Variants in DNAH14 observed in about 807,000 individuals in gnomAD.
DNAH14 encodes the protein dynein axonemal heavy chain 14, also known as axonemal beta dynein heavy chain 14.
A neutral mutation model predicts 520.9 loss-of-function variants in DNAH14; 478 were observed. That is an observed-to-expected ratio of 0.92 (90% CI 0.85 to 0.99). The LOEUF (loss-of-function observed/expected upper bound fraction) is 0.99. DNAH14 is among the 50% of genes least tolerant of loss of function. The pLI is 0.00. For missense variants in DNAH14, 4,831 were observed against 5,234.5 expected, an observed-to-expected ratio of 0.92 and a Z score of 2.38; for synonymous variants, 1,581 against 1,757.2, an observed-to-expected ratio of 0.90 and a Z score of 2.51.
At position 225,351,787 on chromosome 1, in the gene DNAH14, A is replaced by G; in HGVS notation, c.11437A>G (p.Thr3813Ala). 1.3e-6 allele frequency: 2 copies of G among 1,551,384 alleles called. No individual in the cohort carries two copies. Among genetic ancestry groups the G allele is most frequent in the Non-Finnish European group, 1.7e-6 (2 of 1,146,772 alleles). ...TTTATCAAACGTATCACAATGGGATACTTTTAAGAACAGTAAAGCAGTTTA... is the reference window on the plus strand; with the variant it reads ...TTTATCAAACGTATCACAATGGGATGCTTTTAAGAACAGTAAAGCAGTTTA... ...SLLSNVSQWD[T>A]FKNSKAVYSL... The change falls in exon 72 of 86, where the codon ACT (threonine) becomes GCT (alanine). Residue 3813 changes from threonine (T) to alanine (A), a missense_variant. Coordinates refer to ENST00000682510, the MANE Select transcript of DNAH14 (RefSeq NM_001367479.1).
intron 1 of DNAH14, among the ~76,000 whole-genome samples, chr1:224,944,030 G>A (rs1418632737): frequency 6.6e-6 from 1 of 152,164 alleles, no homozygotes; most frequent in African/African-American, 2.4e-5. Context: ...GCAGAGCTGA[G>A]TTCAATTCCT....
intron 41 of DNAH14, among the ~76,000 whole-genome samples, chr1:225,225,668 C>G (rs962287541): frequency 6.6e-6 from 1 of 152,116 alleles, no homozygotes; most frequent in African/African-American, 2.4e-5. Flanking sequence ...AAATTTCAAT[C>G]AACCATAAAA....
rs1332152904 is a variant in DNAH14 at position 225,205,987 on chromosome 1, G to C, written c.5994G>C (p.Trp1998Cys). The C allele has an allele frequency of 7.1e-6, 11 of 1,551,046 alleles. No homozygotes were observed. The highest frequency in any genetic ancestry group is 9.6e-6 in the Non-Finnish European group (11 of 1,146,656). Reference sequence around the variant, plus strand: ...TCTCTCCAGATTTTGATTGGCAGTGGATTATCCTAGATGGCCCAGTGGACA... The same window carrying C: ...TCTCTCCAGATTTTGATTGGCAGTGCATTATCCTAGATGGCCCAGTGGACA... ...IPENHNFDWQ[W>C]IILDGPVDTF... The change falls in exon 40 of 86, where the codon TGG (tryptophan) becomes TGC (cysteine). Residue 1998 changes from tryptophan (W) to cysteine (C), a missense_variant. By Grantham distance (215) the Trp-to-Cys change is radical (BLOSUM62 -2). Transcript: ENST00000682510.
intron 8 of DNAH14, among the ~76,000 whole-genome samples, chr1:224,999,341 G>A (rs1206947769): frequency 6.6e-6 from 1 of 151,968 alleles, no homozygotes; most frequent in African/African-American, 2.4e-5. Context: ...CAAGTAGCTG[G>A]GATTACAGGC....
intron 55 of DNAH14, among the ~76,000 whole-genome samples, chr1:225,292,691 A>G (rs578075059): frequency 6.6e-6 from 1 of 152,218 alleles, no homozygotes; most frequent in East Asian, 1.9e-4. Flanking sequence ...TTTAGGTAGT[A>G]TGGTCATCTT....
Position 225,050,332 on chromosome 1 carries a change from G to A in DNAH14, c.2035G>A (p.Asp679Asn). The part of the protein sequence containing the change: ...IHYKEQTRWP[D>N]CHILFETDPA... ...TTATAAAGAGCAGACCAGATGGCCA[G>A]ATTGTCACATCCTTTTTGAAACAGA... Residue 679 changes from aspartate to asparagine, a missense_variant, in exon 16 of 86, where the codon GAT (aspartate) becomes AAT (asparagine). Physicochemically the swap from Asp to Asn is conservative, Grantham distance 23. Transcript: ENST00000682510. The A allele has an allele frequency of 1.3e-6, 2 of 1,547,460 alleles. No homozygotes were observed. The highest frequency in any genetic ancestry group is 1.7e-6 in the Non-Finnish European group (2 of 1,145,672).
chr1:225,380,170 G>A lies in DNAH14; in HGVS notation c.12728G>A (p.Ser4243Asn). The part of the protein sequence containing the change: ...TANLMIRPEQ[S>N]KDELVMEILS... ...GGTTTTTTTTGCAGACCTGAGCAGA[G>A]TAAGGATGAACTGGTGATGGAAATT... The change falls in exon 80 of 86, where the codon AGT (serine) becomes AAT (asparagine). Residue 4243 changes from serine (S) to asparagine (N), a missense_variant. Physicochemically the swap from Ser to Asn is conservative, Grantham distance 46. Coordinates refer to ENST00000682510, the MANE Select transcript of DNAH14 (RefSeq NM_001367479.1). The A allele has an allele frequency of 6.4e-7, 1 of 1,551,424 alleles. No individual in the cohort carries two copies. Among genetic ancestry groups the A allele is most frequent in the Non-Finnish European group, 8.7e-7 (1 of 1,146,872 alleles).
chr1:225,336,519 G>C (rs1300524337), intron 66 of DNAH14, among the ~76,000 whole-genome samples: 1 of 152,070 alleles, frequency 6.6e-6, no homozygotes, highest in Non-Finnish European at 1.5e-5. Context: ...TACAATCATA[G>C]TGAAAGATTT....
chr1:225,317,939 C>A (rs968176627), intron 60 of DNAH14, among the ~76,000 whole-genome samples: 3 of 152,138 alleles, frequency 2.0e-5, no homozygotes, highest in African/African-American at 7.2e-5. Context: ...TTCTGGAAGT[C>A]ATTTCTATTT....
intron 23 of DNAH14, among the ~76,000 whole-genome samples, chr1:225,107,110 C>G (rs1158081631): frequency 2.0e-5 from 3 of 152,208 alleles, no homozygotes; most frequent in Non-Finnish European, 2.9e-5. Flanking sequence ...GGACCCTCAG[C>G]TGCAGGTCTG....
chr1:225,150,959 G>T (rs186900551), intron 31 of DNAH14, among the ~76,000 whole-genome samples: 1 of 151,962 alleles, frequency 6.6e-6, no homozygotes, highest in Non-Finnish European at 1.5e-5. Flanking sequence ...TGATCTGCCC[G>T]CCTCAGCCTC....
chr1:224,990,645 G>C (rs1230980625), intron 8 of DNAH14, among the ~76,000 whole-genome samples: 3 of 152,048 alleles, frequency 2.0e-5, no homozygotes, highest in African/African-American at 7.2e-5. Flanking sequence ...ATTTCTTTCT[G>C]AATAGTATTC....
At chr1:224,988,024 A>G (rs1322989917) in intron 8 of DNAH14, among the ~76,000 whole-genome samples, 1 of 152,044 alleles carries the variant, frequency 6.6e-6, no homozygotes, top group African/African-American at 2.4e-5. Flanking sequence ...CCCAGCATGC[A>G]TTAGCTATTT....
At chr1:225,394,123 C>T (rs2095967789) in intron 84 of DNAH14, among the ~76,000 whole-genome samples, 1 of 152,074 alleles carries the variant, frequency 6.6e-6, no homozygotes, top group Admixed American at 6.6e-5. Context: ...CCGGCCACAG[C>T]GATGTTATCT....
At chr1:225,374,167 A>ATATATATATATATATATATATC (rs2095659371) in intron 77 of DNAH14, among the ~76,000 whole-genome samples, 1 of 84,186 alleles carries the variant, frequency 1.2e-5, no homozygotes, top group African/African-American at 4.1e-5. Context: ...ATATATATAT[A>ATATATATATATATATATATATC]TATATATATA....
chr1:225,367,094 G>C (rs2095562657), intron 76 of DNAH14, among the ~76,000 whole-genome samples: 1 of 150,726 alleles, frequency 6.6e-6, no homozygotes, highest in South Asian at 2.1e-4. Context: ...ATCATATATA[G>C]ATACCCACAC....
In DNAH14 at chr1:225,105,709, G is replaced by A. The variant is rs181230788; in HGVS notation, c.3867+4825G>A. Among the ~76,000 whole-genome samples, 560 of 151,920 alleles carry A rather than the reference G, an allele frequency of 3.7e-3. 2 individuals carry two copies. The highest frequency in any genetic ancestry group is 0.013 in the African/African-American group (539 of 41,412). On this transcript the variant is annotated intron_variant, in intron 23 of 85. Transcript: ENST00000682510. ...TTTTATCAGAGACTAAGATTGCAAC[G>A]CCTGCCCTTTTTTGTTTTCCATTTG...
rs191966047 is a variant in DNAH14 at position 225,168,926 on chromosome 1, C to T, written c.5535+898C>T. ...AGTAGGGGCAGACTGACACCTCACA[C>T]GGCCGGGTACTCCTCTGAGAAAAAA... On this transcript the variant is annotated intron_variant, in intron 36 of 85. Transcript: ENST00000682510. Among the ~76,000 whole-genome samples the T allele has an allele frequency of 3.3e-3, 505 of 152,246 alleles. 6 individuals are homozygous for T. The highest frequency in any genetic ancestry group is 8.5e-3 in the South Asian group (41 of 4,822).
chr1:225,107,459 C>T (rs763337251), intron 23 of DNAH14, among the ~76,000 whole-genome samples: 9 of 152,136 alleles, frequency 5.9e-5, no homozygotes, highest in Non-Finnish European at 8.8e-5. Flanking sequence ...GATATGGCTC[C>T]GATGAGTGGA....
Sources: allele counts gnomAD v4.1 joint callset (sites outside exome capture counted in the v4.1 genomes callset), GRCh38; gene constraint gnomAD v4.1.1; transcripts MANE v1.5; gene names NCBI Gene and HGNC (gene_info 2026-07-23, HGNC 2026-07-21).